Variants in FARP1 observed in about 807,000 individuals in gnomAD.
FARP1 encodes the protein FERM, ARH/RhoGEF and pleckstrin domain protein 1, also known as FERM, ARHGEF and pleckstrin domain-containing protein 1.
Under a neutral mutation model 128.8 loss-of-function variants are expected in FARP1, and 52 were observed. The observed-to-expected ratio is 0.40, with a 90% confidence interval of 0.32 to 0.51. FARP1 has a LOEUF of 0.51. Ranked by LOEUF, FARP1 falls within the 20% of genes least tolerant of loss-of-function variation. The pLI is 0.45. For missense variants in FARP1, 1,333 were observed against 1,367.9 expected, an observed-to-expected ratio of 0.97 and a Z score of 0.40; for synonymous variants, 580 against 551.8, an observed-to-expected ratio of 1.05 and a Z score of -0.72.
intron 2 of FARP1, among the ~76,000 whole-genome samples, chr13:98,246,253 GC>G (rs1186693436): frequency 1.3e-5 from 2 of 149,414 alleles, no homozygotes; most frequent in Non-Finnish European, 3.0e-5. Flanking sequence ...CCGCCACCTC[GC>G]CCGGCTAATT....
intron 1 of FARP1, among the ~76,000 whole-genome samples, chr13:98,193,367 T>TA (rs548792836): frequency 3.9e-4 from 59 of 152,322 alleles, no homozygotes; most frequent in Admixed American, 3.8e-3. Context: ...AGACTCTTCT[T>TA]ACATATGTTT....
rs1892823793 is a variant in FARP1 at position 98,446,190 on chromosome 13, C to T, written c.2889C>T (p.Phe963=). 6 of 1,611,766 alleles carry T rather than the reference C, an allele frequency of 3.7e-6. No individual in the cohort carries two copies. Among genetic ancestry groups the T allele is most frequent in the Non-Finnish European group, 4.2e-6 (5 of 1,178,048 alleles). The stretch of plus-strand genomic sequence containing the variant: ...TGTTCACAAACTTCTGCCTGTTCTT[C>T]TACAAATCACACCAGGTAAGTGTCT... ...WVVFTNFCLF[F]YKSHQDNHPL... Residue 963 remains phenylalanine, a synonymous_variant, in exon 25 of 27, where the codon TTC becomes TTT. Coordinates refer to ENST00000319562, the MANE Select transcript of FARP1 (RefSeq NM_005766.4).
At chr13:98,144,385 T>C (rs1875350644) in intron 1 of FARP1, among the ~76,000 whole-genome samples, 1 of 152,190 alleles carries the variant, frequency 6.6e-6, no homozygotes, top group African/African-American at 2.4e-5. Context: ...GATCAGTTCG[T>C]GGAGACGTGG....
chr13:98,394,883 G>GCA (rs1890455582), intron 12 of FARP1, among the ~76,000 whole-genome samples: 1 of 152,188 alleles, frequency 6.6e-6, no homozygotes, highest in South Asian at 2.1e-4. Context: ...TGTGGTTGCA[G>GCA]CACTGCACTC....
intron 1 of FARP1, among the ~76,000 whole-genome samples, chr13:98,183,605 A>G (rs186482594): frequency 4.4e-4 from 67 of 152,248 alleles, no homozygotes; most frequent in African/African-American, 1.6e-3. Flanking sequence ...GTTATGCAGC[A>G]GCTTCTGTTG....
chr13:98,268,490 T>A, intron 2 of FARP1, among the ~76,000 whole-genome samples: 1 of 152,110 alleles, frequency 6.6e-6, no homozygotes, highest in South Asian at 2.1e-4. Context: ...TTTTTTGAGA[T>A]GGAGTCTCGC....
intron 5 of FARP1, among the ~76,000 whole-genome samples, chr13:98,371,255 C>T (rs1234764797): frequency 2.3e-5 from 3 of 132,648 alleles, no homozygotes; most frequent in Non-Finnish European, 3.2e-5. Flanking sequence ...TCTGTTTTGC[C>T]AATAGTTTTG....
chr13:98,228,707 T>A (rs1389083054), intron 2 of FARP1, among the ~76,000 whole-genome samples: 2 of 152,218 alleles, frequency 1.3e-5, no homozygotes, highest in Admixed American at 1.3e-4. Context: ...TGGAACTTTT[T>A]TTTTCTGTTC....
chr13:98,239,286 C>T (rs1882625243), intron 2 of FARP1, among the ~76,000 whole-genome samples: 1 of 152,196 alleles, frequency 6.6e-6, no homozygotes, highest in African/African-American at 2.4e-5. Context: ...TTTTCTCTCC[C>T]TCATCCCATC....
chr13:98,417,679 C>T (rs555496985), intron 16 of FARP1, among the ~76,000 whole-genome samples: 22 of 152,182 alleles, frequency 1.4e-4, no homozygotes, highest in African/African-American at 5.3e-4. Context: ...AGAGGGGGCT[C>T]TTTCAGGGAT....
chr13:98,353,802 A>G (rs1383856955), intron 3 of FARP1, among the ~76,000 whole-genome samples: 2 of 152,236 alleles, frequency 1.3e-5, no homozygotes, highest in Non-Finnish European at 2.9e-5. Flanking sequence ...CATTTTATCT[A>G]TAGTTAACAC....
intron 3 of FARP1, among the ~76,000 whole-genome samples, chr13:98,351,371 G>A (rs1888414193): frequency 6.6e-6 from 1 of 152,200 alleles, no homozygotes; most frequent in African/African-American, 2.4e-5. Context: ...CCAGCACTTT[G>A]CGAGGCCGAG....
intron 3 of FARP1, among the ~76,000 whole-genome samples, chr13:98,348,037 A>T (rs866522395): frequency 2.2e-4 from 34 of 152,230 alleles, no homozygotes; most frequent in Admixed American, 4.6e-4. Context: ...AGCCTTATTC[A>T]TAGTAAGGAT....
At chr13:98,405,083 G>GC (rs1212546435) in intron 13 of FARP1, 4 of 152,154 alleles carry the variant, frequency 2.6e-5, no homozygotes, top group Admixed American at 6.5e-5. Context: ...TTGTTTTGAA[G>GC]CCTTGAATAC....
Position 98,284,183 on chromosome 13 carries a change from A to AT in FARP1, c.172-59568dup, listed in dbSNP as rs374354092. On this transcript the variant is annotated intron_variant, in intron 2 of 26. Coordinates refer to ENST00000319562, the MANE Select transcript of FARP1 (RefSeq NM_005766.4). ...AAAACATTATGAGACTTTTTGTGTG[A>AT]TTTTTTTTTTTCCTCATCAGCTATT... Among the ~76,000 whole-genome samples the AT allele has an allele frequency of 6.6e-3, 970 of 147,996 alleles. 14 individuals are homozygous for AT. The highest frequency in any genetic ancestry group is 0.02 in the African/African-American group (804 of 40,560).
In FARP1 at chr13:98,449,287, A is replaced by ATTCTC. The variant is rs1306201286; in HGVS notation, c.*972_*976dup. The ATTCTC allele has an allele frequency of 5.3e-5, 8 of 152,252 alleles. No individual in the cohort carries two copies. The highest frequency in any genetic ancestry group is 1.7e-4 in the African/African-American group (7 of 41,522). 9.4% of individuals were successfully genotyped at this position (152,252 alleles called of 1,614,324 possible). On this transcript the variant is annotated 3_prime_UTR_variant, in exon 27 of 27. Coordinates refer to ENST00000319562, the MANE Select transcript of FARP1 (RefSeq NM_005766.4). ...CTGCAACTGTGGTTTGAAACTGCGCATTCTCTAGTAGTATATATCGTGCCT... is the reference window on the plus strand; with the variant it reads ...CTGCAACTGTGGTTTGAAACTGCGCATTCTCTTCTCTAGTAGTATATATCGTGCCT...
At chr13:98,331,622 C>T (rs1205636864) in intron 2 of FARP1, 4 of 152,206 alleles carry the variant, frequency 2.6e-5, no homozygotes, top group Non-Finnish European at 4.4e-5. Flanking sequence ...TAACTGACTT[C>T]TTGAATCCCT....
At chr13:98,194,195 C>T (rs1566725961) in intron 1 of FARP1, among the ~76,000 whole-genome samples, 1 of 152,116 alleles carries the variant, frequency 6.6e-6, no homozygotes, top group East Asian at 1.9e-4. Flanking sequence ...CGGCTTGTTG[C>T]AACCTCCGCC....
At chr13:98,440,496 G>T (rs914364688) in intron 23 of FARP1, among the ~76,000 whole-genome samples, 174 bp from the exon 24 acceptor site, 3 of 152,174 alleles carry the variant, frequency 2.0e-5, no homozygotes, top group Non-Finnish European at 4.4e-5. Flanking sequence ...ACCCGGGAGG[G>T]GCTGGGGCTC....
Sources: gnomAD v4.1 joint callset for allele counts (sites outside exome capture counted in the v4.1 genomes callset) on GRCh38, gnomAD v4.1.1 for gene constraint, MANE v1.5 for transcripts, NCBI Gene and HGNC (gene_info 2026-07-23, HGNC 2026-07-21) for gene names.